The following PKHD1 variants were observed in gnomAD, a reference collection of about 807,000 sequenced individuals.
PKHD1 encodes fibrocystin.
Under a neutral mutation model 412.0 loss-of-function variants are expected in PKHD1, and 291 were observed. The observed-to-expected ratio is 0.71, with a 90% CI of 0.64 to 0.78. PKHD1 has a LOEUF of 0.78. Ranked by LOEUF, PKHD1 falls within the 30% of genes least tolerant of loss-of-function variation. The pLI, the probability that PKHD1 is intolerant of heterozygous loss-of-function variation, is 0.00. For synonymous variants in PKHD1, 1,777 were observed against 1,821.5 expected, an observed-to-expected ratio of 0.98 and a Z score of 0.62; for missense variants, 4,825 against 4,950.7, an observed-to-expected ratio of 0.97 and a Z score of 0.76.
intron 49 of PKHD1, among the ~76,000 whole-genome samples, chr6:51,853,185 T>C (rs1392039602): frequency 6.6e-6 from 1 of 152,228 alleles, no homozygotes; most frequent in African/African-American, 2.4e-5. Flanking sequence ...TGGCTGGATA[T>C]GAAATTCTGG....
chr6:51,658,609 T>C (rs1213985087), intron 61 of PKHD1, among the ~76,000 whole-genome samples: 5 of 152,078 alleles, frequency 3.3e-5, no homozygotes, highest in Non-Finnish European at 7.4e-5. Flanking sequence ...CCCTAGAACC[T>C]AGCCCATTGC....
At chr6:51,819,371 C>T (rs1562382901) in intron 52 of PKHD1, among the ~76,000 whole-genome samples, 1 of 152,160 alleles carries the variant, frequency 6.6e-6, no homozygotes, top group Non-Finnish European at 1.5e-5. Flanking sequence ...TTACAGGGAG[C>T]TAGTTTCAGA....
chr6:51,658,199 T>C (rs1190696975), intron 61 of PKHD1, among the ~76,000 whole-genome samples: 2 of 152,076 alleles, frequency 1.3e-5, no homozygotes, highest in African/African-American at 4.8e-5. Context: ...ATGAGTACCT[T>C]TTAATTTTAA....
intron 55 of PKHD1, 71 bp from the exon 56 acceptor site, chr6:51,755,009 AG>A: frequency 3.8e-6 from 5 of 1,319,702 alleles, no homozygotes; most frequent in Non-Finnish European, 5.5e-6. Context: ...CTCCAGAGCA[AG>A]AAAAGGAAAT....
At chr6:51,797,662 T>C (rs897309215) in intron 52 of PKHD1, among the ~76,000 whole-genome samples, 34 of 152,300 alleles carry the variant, frequency 2.2e-4, no homozygotes, top group African/African-American at 8.2e-4. Flanking sequence ...GGTAAATTTT[T>C]CTTCATTCCT....
chr6:51,699,920 A>AGTGTGTATATGTGTGTGT (rs57760395), intron 60 of PKHD1, among the ~76,000 whole-genome samples: 2 of 137,812 alleles, frequency 1.5e-5, no homozygotes, highest in Non-Finnish European at 3.1e-5. Context: ...ATATATATGG[A>AGTGTGTATATGTGTGTGT]GTGTGTGTGT....
rs756792624 is a variant in PKHD1, at chr6:51,659,807, A to T, written c.10319T>A (p.Val3440Asp). The change falls in exon 61 of 67, where the codon GTC becomes GAC. Residue 3440 changes from valine to aspartate, a missense_variant. By Grantham distance (152) the Val-to-Asp change is radical. Transcript: ENST00000371117. ...AATATTGGCATTTACACTGCTAAAG[A>T]CATCAACAAAACCACTAGTCACAGA... Reference protein sequence around the residue: ...VVSVTSGFVDVFSSVNANIPC... With the variant: ...VVSVTSGFVDDFSSVNANIPC... The T allele has an allele frequency of 2.5e-6, 4 of 1,613,854 alleles. No individual in the cohort carries two copies. Among genetic ancestry groups the T allele is most frequent in the Non-Finnish European group, 3.4e-6 (4 of 1,179,826 alleles).
At chr6:51,668,941 G>A (rs1009768628) in intron 60 of PKHD1, among the ~76,000 whole-genome samples, 15 of 152,244 alleles carry the variant, frequency 9.9e-5, no homozygotes, top group Non-Finnish European at 2.1e-4. Flanking sequence ...TGCTGGATTC[G>A]TTTTGCCAGT....
rs1581764550 is a variant in PKHD1 at position 52,017,569 on chromosome 6, T to C, written c.5441A>G (p.His1814Arg). ...TGTCAAATCACACTGCACATAGGTGTGTCTGGCAGCCTCACAGCTGTCCTC... is the reference window on the plus strand; with the variant it reads ...TGTCAAATCACACTGCACATAGGTGCGTCTGGCAGCCTCACAGCTGTCCTC... ...REEDSCEAARHTYVQCDLTVA... is the reference protein window; with the variant it reads ...REEDSCEAARRTYVQCDLTVA... The change falls in exon 34 of 67, where the codon CAC (histidine) becomes CGC (arginine). Residue 1814 changes from histidine to arginine, a missense_variant. Physicochemically the swap from His to Arg is conservative, Grantham distance 29. Transcript: ENST00000371117. The C allele has an allele frequency of 2.5e-6, 4 of 1,614,114 alleles. No individual in the cohort carries two copies. Among genetic ancestry groups the C allele is most frequent in the Non-Finnish European group, 3.4e-6 (4 of 1,180,012 alleles).
intron 55 of PKHD1, among the ~76,000 whole-genome samples, chr6:51,768,716 T>G (rs2151109939): frequency 6.6e-6 from 1 of 151,908 alleles, no homozygotes; most frequent in African/African-American, 2.4e-5. Context: ...ATAATAATAT[T>G]TAATGATTGT....
intron 55 of PKHD1, among the ~76,000 whole-genome samples, chr6:51,769,432 T>G (rs1359327385): frequency 6.6e-6 from 1 of 151,304 alleles, no homozygotes; most frequent in Admixed American, 6.6e-5. Flanking sequence ...AATGTTAAAG[T>G]TGCACTATAT....
chr6:51,665,943 G>A (rs1773687997), intron 60 of PKHD1, among the ~76,000 whole-genome samples: 1 of 152,230 alleles, frequency 6.6e-6, no homozygotes, highest in African/African-American at 2.4e-5. Context: ...AGGTGGAGGT[G>A]GGTGGGAGAT....
chr6:51,808,769 G>C (rs1007597947), intron 52 of PKHD1, among the ~76,000 whole-genome samples: 1 of 151,994 alleles, frequency 6.6e-6, no homozygotes, highest in Non-Finnish European at 1.5e-5. Flanking sequence ...ATGGAATGTG[G>C]ATCTACGCAA....
intron 36 of PKHD1, among the ~76,000 whole-genome samples, chr6:51,947,912 T>C (rs2127850008): frequency 6.6e-6 from 1 of 152,242 alleles, no homozygotes; most frequent in South Asian, 2.1e-4. Context: ...TTCCTTGTCT[T>C]GCCCCACAGA....
chr6:51,883,072 C>T, intron 46 of PKHD1, 21 bp downstream of exon 46: 2 of 1,607,854 alleles, frequency 1.2e-6, no homozygotes, highest in Non-Finnish European at 1.7e-6. Flanking sequence ...CAGCCTAAAA[C>T]AACCACACTA....
Position 52,046,075 on chromosome 6 carries a change from A to G in PKHD1, c.2521T>C (p.Tyr841His). 6.2e-7 allele frequency: 1 copy of G among 1,613,778 alleles called. No homozygotes were observed. Among genetic ancestry groups the G allele is most frequent in the Non-Finnish European group, 8.5e-7 (1 of 1,179,676 alleles). Residue 841 changes from tyrosine (Y) to histidine (H), a missense_variant, in exon 24 of 67, where the codon TAC (tyrosine) becomes CAC (histidine). By Grantham distance (83) the Tyr-to-His change is moderately conservative. Coordinates refer to ENST00000371117, the MANE Select transcript of PKHD1 (RefSeq NM_138694.4). The part of the protein sequence containing the change: ...ASDFTVKEDL[Y>H]TCYEHVWTLS... ...GTCCACACGTGTTCGTAGCAAGTGT[A>G]TAGATCCTCCTTCACAGTGAAGTCA...
intron 52 of PKHD1, among the ~76,000 whole-genome samples, chr6:51,803,348 C>T (rs574464518): frequency 3.3e-5 from 5 of 150,904 alleles, no homozygotes; most frequent in Non-Finnish European, 7.4e-5. Flanking sequence ...CACTTGAATT[C>T]GAATATTGTC....
chr6:51,900,836 C>A lies in PKHD1; in HGVS notation c.6996+2761G>T, dbSNP rs558551473. 2.5e-3 allele frequency among the ~76,000 whole-genome samples: 382 copies of A among 152,012 alleles called. 2 individuals carry two copies. The highest frequency in any genetic ancestry group is 8.9e-3 in the African/African-American group (371 of 41,488). On this transcript the variant is annotated intron_variant, in intron 43 of 66. Coordinates refer to ENST00000371117, the MANE Select transcript of PKHD1 (RefSeq NM_138694.4). ...AAACAAATTTACAAGAAAAAAACAA[C>A]CCCATCAAAAAGTGGGTGAAGGACA...
intron 37 of PKHD1, among the ~76,000 whole-genome samples, chr6:51,922,141 G>A (rs1326605464): frequency 6.6e-6 from 1 of 152,208 alleles, no homozygotes; most frequent in Non-Finnish European, 1.5e-5. Flanking sequence ...TGTTGATGTT[G>A]ATGCTGTTCC....
Sources: gnomAD v4.1 joint callset for allele counts (sites outside exome capture counted in the v4.1 genomes callset) on GRCh38, gnomAD v4.1.1 for gene constraint, MANE v1.5 for transcripts, NCBI Gene and HGNC (gene_info 2026-07-23, HGNC 2026-07-21) for gene names.